CEP128: variants seen among roughly 807,000 people sequenced by gnomAD.
The protein encoded by CEP128 is centrosomal protein 128, also known as centrosomal protein 128kDa.
In CEP128, 132 loss-of-function variants were observed where a neutral mutation model predicts 156.7. The ratio of observed to expected loss-of-function variants is 0.84; its 90% CI spans 0.73 to 0.97. The LOEUF (loss-of-function observed/expected upper bound fraction) is 0.97, where lower values mean the gene tolerates loss of function less well. CEP128 is among the 50% of genes least tolerant of loss of function. The pLI, the probability that CEP128 is intolerant of heterozygous loss-of-function variation, is 0.00. For missense variants in CEP128, 1,252 were observed against 1,281.9 expected (o/e 0.98, Z 0.36); for synonymous variants, 469 against 448.9 (o/e 1.04, Z -0.57).
chr14:80,487,363 C>T (rs1818908790), downstream of CEP128, among the ~76,000 whole-genome samples: 1 of 152,198 alleles, frequency 6.6e-6, no homozygotes, highest in Admixed American at 6.5e-5. Context: ...CTGGAGCACC[C>T]AGATTCATAA....
At chr14:80,625,884 GTT>G (rs1893698171) in intron 19 of CEP128, among the ~76,000 whole-genome samples, 1 of 100,376 alleles carries the variant, frequency 1.0e-5, no homozygotes, top group Non-Finnish European at 2.1e-5. Flanking sequence ...CTTTCTTTTT[GTT>G]ACTCTTGTAC....
At chr14:80,892,315 G>A (rs986694219) in intron 8 of CEP128, among the ~76,000 whole-genome samples, 19 of 151,848 alleles carry the variant, frequency 1.3e-4, no homozygotes, top group Admixed American at 1.1e-3. Context: ...GAGGAAAGAA[G>A]AGTCTCTTCA....
upstream of CEP128, among the ~76,000 whole-genome samples, chr14:80,946,141 G>T (rs117023420): frequency 8.1e-3 from 1,226 of 152,246 alleles, 11 homozygotes; most frequent in Middle Eastern, 0.044. Flanking sequence ...ATTAATGTGT[G>T]TAAAGCACTA....
chr14:80,694,453 A>T (rs1896820435), intron 19 of CEP128, among the ~76,000 whole-genome samples: 1 of 152,212 alleles, frequency 6.6e-6, no homozygotes. Flanking sequence ...ATGAACATAT[A>T]TGTTTACTGC....
chr14:80,941,293 G>C (rs538135862), intron 1 of CEP128, among the ~76,000 whole-genome samples: 1 of 152,202 alleles, frequency 6.6e-6, no homozygotes, highest in Non-Finnish European at 1.5e-5. Context: ...ACAGATGCTA[G>C]CGGTAGAGCA....
At chr14:80,503,125 CTA>C (rs754834987) in intron 24 of CEP128, among the ~76,000 whole-genome samples, 8 of 151,814 alleles carry the variant, frequency 5.3e-5, no homozygotes, top group South Asian at 2.1e-4. Flanking sequence ...TAAAACAAGA[CTA>C]TGGATTAATC....
intron 9 of CEP128, among the ~76,000 whole-genome samples, chr14:80,857,746 A>G (rs1566674684): frequency 6.7e-6 from 1 of 148,652 alleles, no homozygotes; most frequent in East Asian, 1.9e-4. Context: ...AAAAAAAACA[A>G]CAACAACAAC....
chr14:80,731,379 GTTTAT>G (rs1898264074), intron 19 of CEP128, among the ~76,000 whole-genome samples: 4 of 152,218 alleles, frequency 2.6e-5, no homozygotes, highest in South Asian at 4.2e-4. Flanking sequence ...AACCTCAGAA[GTTTAT>G]TTTAAGAGTT....
intron 9 of CEP128, among the ~76,000 whole-genome samples, chr14:80,851,221 C>T (rs541678721): frequency 6.6e-6 from 1 of 152,202 alleles, no homozygotes; most frequent in Admixed American, 6.5e-5. Context: ...GCACAAAGCC[C>T]CTCCAATGGA....
intron 16 of CEP128, among the ~76,000 whole-genome samples, chr14:80,764,400 G>A (rs1900130985): frequency 1.3e-5 from 2 of 151,976 alleles, no homozygotes; most frequent in Non-Finnish European, 2.9e-5. Context: ...TCGGGAGGCT[G>A]AGGCAGGAGA....
At chr14:80,657,495 A>G (rs1895225738) in intron 19 of CEP128, among the ~76,000 whole-genome samples, 1 of 152,010 alleles carries the variant, frequency 6.6e-6, no homozygotes, top group South Asian at 2.1e-4. Flanking sequence ...TACTAAAAAT[A>G]CAAAAATTAG....
intron 19 of CEP128, among the ~76,000 whole-genome samples, chr14:80,668,563 G>T (rs753134956): frequency 6.6e-6 from 1 of 152,184 alleles, no homozygotes; most frequent in East Asian, 1.9e-4. Context: ...ATGAAGAATA[G>T]ATTGAGAGGT....
At chr14:80,694,950 CAA>C (rs1896841319) in intron 19 of CEP128, among the ~76,000 whole-genome samples, 1 of 145,578 alleles carries the variant, frequency 6.9e-6, no homozygotes, top group Non-Finnish European at 1.5e-5. Flanking sequence ...TTCCTTAAAA[CAA>C]GAGATTTAGG....
intron 14 of CEP128, among the ~76,000 whole-genome samples, chr14:80,788,977 T>C (rs1278559928): frequency 2.0e-5 from 3 of 152,158 alleles, no homozygotes; most frequent in Admixed American, 6.5e-5. Flanking sequence ...GGTCTTACAT[T>C]AATTATTGAA....
chr14:80,702,038 C>T (rs1054085410), intron 19 of CEP128, among the ~76,000 whole-genome samples: 2 of 152,186 alleles, frequency 1.3e-5, no homozygotes, highest in Admixed American at 6.5e-5. Context: ...ACTTTGCTTT[C>T]ACTGGCAGCT....
At chr14:80,880,976 A>G (rs920468492) in intron 8 of CEP128, among the ~76,000 whole-genome samples, 2 of 149,744 alleles carry the variant, frequency 1.3e-5, no homozygotes, top group African/African-American at 4.9e-5. Flanking sequence ...TATGTAACTG[A>G]AAAAGAAATC....
intron 2 of CEP128, among the ~76,000 whole-genome samples, chr14:80,930,007 T>A (rs1566722151): frequency 6.6e-6 from 1 of 152,150 alleles, no homozygotes; most frequent in East Asian, 1.9e-4. Flanking sequence ...CCACCTGAGC[T>A]CCACTTTCTG....
chr14:80,838,997 G>A (rs1313153943), intron 10 of CEP128, among the ~76,000 whole-genome samples: 3 of 152,170 alleles, frequency 2.0e-5, no homozygotes, highest in Non-Finnish European at 4.4e-5. Context: ...TACTCGGGAG[G>A]CTGAGGCAGA....
intron 21 of CEP128, among the ~76,000 whole-genome samples, chr14:80,536,960 G>C (rs1362766145): frequency 6.6e-6 from 1 of 152,156 alleles, no homozygotes; most frequent in Non-Finnish European, 1.5e-5. Flanking sequence ...AAGTTAACAT[G>C]GCACTATGAC....
Sources: gnomAD v4.1 joint callset for allele counts (sites outside exome capture counted in the v4.1 genomes callset) on GRCh38, gnomAD v4.1.1 for gene constraint, MANE v1.5 for transcripts, NCBI Gene and HGNC (gene_info 2026-07-23, HGNC 2026-07-21) for gene names.